CSGALNACT2: variants seen among roughly 807,000 people sequenced by gnomAD.
CSGALNACT2 encodes beta 4 GalNAcT-2.
CSGALNACT2 carries 35 observed loss-of-function variants against 55.3 expected under a neutral mutation model. That is an observed-to-expected ratio of 0.63 (90% CI 0.48 to 0.84). The LOEUF is 0.84. Ranked by LOEUF, CSGALNACT2 falls within the 40% of genes least tolerant of loss-of-function variation. The pLI is 0.00. For synonymous variants in CSGALNACT2, 196 were observed against 224.9 expected (o/e 0.87, Z 1.15); for missense variants, 544 against 657.5 (o/e 0.83, Z 1.89).
At chr10:43,162,319 G>A in intron 4 of CSGALNACT2, 1 of 770,090 alleles carries the variant, frequency 1.3e-6, no homozygotes, top group Non-Finnish European at 2.0e-6. Context: ...AAATCCCAGG[G>A]AAGGACATTT....
intron 1 of CSGALNACT2, among the ~76,000 whole-genome samples, chr10:43,150,758 T>C (rs570796744): frequency 6.6e-6 from 1 of 152,324 alleles, no homozygotes; most frequent in African/African-American, 2.4e-5. Flanking sequence ...TTCCATCAAA[T>C]TTGGGAAATT....
intron 1 of CSGALNACT2, among the ~76,000 whole-genome samples, chr10:43,149,787 G>T (rs1225351002): frequency 6.6e-6 from 1 of 152,042 alleles, no homozygotes; most frequent in Non-Finnish European, 1.5e-5. Context: ...TGTTTGCTAG[G>T]CTGGGTGTGG....
At position 43,158,885 on chromosome 10, in the gene CSGALNACT2, C is replaced by T; in HGVS notation, c.832C>T (p.Leu278Phe). The change falls in exon 3 of 8, where the codon CTT (leucine) becomes TTT (phenylalanine). Residue 278 changes from leucine (L) to phenylalanine (F), a missense_variant. Physicochemically the swap from Leu to Phe is conservative, Grantham distance 22. Coordinates refer to ENST00000374466, the MANE Select transcript of CSGALNACT2 (RefSeq NM_018590.5). The stretch of plus-strand genomic sequence containing the variant: ...ATCAATTATTAATATCATTGTGCCA[C>T]TTGCTGAAAGAACTGAAGCATTTGT... ...TRSIINIIVPLAERTEAFVQF... is the reference protein window; with the variant it reads ...TRSIINIIVPFAERTEAFVQF... The T allele has an allele frequency of 6.2e-7, 1 of 1,612,438 alleles. No individual in the cohort carries two copies. Among genetic ancestry groups the T allele is most frequent in the Non-Finnish European group, 8.5e-7 (1 of 1,178,790 alleles).
At position 43,184,465 on chromosome 10, in the gene CSGALNACT2, A is replaced by G. The variant is rs949961282; in HGVS notation, c.*923A>G. 1 of 152,146 alleles carries G rather than the reference A, an allele frequency of 6.6e-6. No individual in the cohort carries two copies. The highest frequency in any genetic ancestry group is 1.5e-5 in the Non-Finnish European group (1 of 68,028). 9.4% of individuals were successfully genotyped at this position (152,146 alleles called of 1,614,324 possible). On this transcript the variant is annotated 3_prime_UTR_variant, in exon 8 of 8. Coordinates refer to ENST00000374466, the MANE Select transcript of CSGALNACT2 (RefSeq NM_018590.5). Reference sequence around the variant, plus strand: ...ATTTGGCATGGATCCATATGTATTTACTATCCTTTTTCTAATATATTAATA... The same window carrying G: ...ATTTGGCATGGATCCATATGTATTTGCTATCCTTTTTCTAATATATTAATA...
At chr10:43,144,298 AC>A (rs1365225626) in intron 1 of CSGALNACT2, among the ~76,000 whole-genome samples, 1 of 152,218 alleles carries the variant, frequency 6.6e-6, no homozygotes, top group Non-Finnish European at 1.5e-5. Context: ...TGTTCATAGT[AC>A]CAAAAATTGT....
At chr10:43,175,841 TA>T (rs1355997617) in intron 6 of CSGALNACT2, 109 bp from the exon 7 acceptor site, 4 of 933,302 alleles carry the variant, frequency 4.3e-6, no homozygotes, top group Non-Finnish European at 6.7e-6. Flanking sequence ...ATCAGTCACA[TA>T]AATGACAGGA....
chr10:43,155,048 T>G lies in CSGALNACT2; in HGVS notation c.-102T>G. 1.0e-6 allele frequency: 1 copy of G among 990,460 alleles called. No homozygotes were observed. Among genetic ancestry groups the G allele is most frequent in the Non-Finnish European group, 1.5e-6 (1 of 669,764 alleles). The allele number at this position is 990,460 out of a possible 1,614,324, so 61.4% of individuals were successfully genotyped here. ...AAACTTAAAGCTACGGCAGAATTAT[T>G]TTATGGAAATTCTGATTTTGTTTTT... On this transcript the variant is annotated 5_prime_UTR_variant, in exon 2 of 8. In the 5' UTR this introduces an upstream ATG that the reference lacks. Coordinates refer to ENST00000374466, the MANE Select transcript of CSGALNACT2 (RefSeq NM_018590.5).
In CSGALNACT2 at chr10:43,183,496, A is replaced by G; in HGVS notation, c.1583A>G (p.His528Arg). 6.2e-7 allele frequency: 1 copy of G among 1,614,184 alleles called. No individual in the cohort carries two copies. Among genetic ancestry groups the G allele is most frequent in the Non-Finnish European group, 8.5e-7 (1 of 1,180,018 alleles). The part of the protein sequence containing the change: ...MLVFREEIET[H>R]LHKQAYRTNS... ...GTCTTCAGGGAGGAAATAGAGACGCATCTTCATAAACAGGCATACAGGACA... is the reference window on the plus strand; with the variant it reads ...GTCTTCAGGGAGGAAATAGAGACGCGTCTTCATAAACAGGCATACAGGACA... Residue 528 changes from histidine (H) to arginine (R), a missense_variant, in exon 8 of 8, where the codon CAT becomes CGT. Around this residue, in one of 2 missense-constraint regions of CSGALNACT2, gnomAD observed 170 missense variants for 256.2 expected, o/e 0.66. Coordinates refer to ENST00000374466, the MANE Select transcript of CSGALNACT2 (RefSeq NM_018590.5).
chr10:43,158,490 T>A (rs193194961), intron 2 of CSGALNACT2, among the ~76,000 whole-genome samples: 125 of 152,360 alleles, frequency 8.2e-4, no homozygotes, highest in Non-Finnish European at 1.4e-3. Flanking sequence ...TTGTAGTATA[T>A]TTTATAGATT....
At chr10:43,170,437 G>A (rs1422336547) in intron 6 of CSGALNACT2, among the ~76,000 whole-genome samples, 3 of 152,136 alleles carry the variant, frequency 2.0e-5, no homozygotes, top group African/African-American at 7.2e-5. Context: ...GGAATATGTC[G>A]AAGGGGCACA....
In CSGALNACT2 at chr10:43,146,426, G is replaced by T. The variant is rs533036541; in HGVS notation, c.-254+7859G>T. 5.9e-5 allele frequency among the ~76,000 whole-genome samples: 9 copies of T among 152,310 alleles called. No homozygotes were observed. In the South Asian group the frequency reaches 1.7e-3, roughly 28 times the overall value. On this transcript the variant is annotated intron_variant, in intron 1 of 7. Coordinates refer to ENST00000374466, the MANE Select transcript of CSGALNACT2 (RefSeq NM_018590.5). ...CTTTATTCTACCCCCGCTGGCAGCT[G>T]AGTAGATGGTGCCCAACCAGATTGA...
chr10:43,152,060 T>C (rs1030944984), intron 1 of CSGALNACT2, among the ~76,000 whole-genome samples: 1 of 152,226 alleles, frequency 6.6e-6, no homozygotes, highest in Non-Finnish European at 1.5e-5. Flanking sequence ...TTGTAAGGTT[T>C]CTTTCAATCC....
intron 1 of CSGALNACT2, among the ~76,000 whole-genome samples, chr10:43,149,350 G>A (rs530433196): frequency 1.3e-5 from 2 of 152,270 alleles, no homozygotes; most frequent in African/African-American, 4.8e-5. Flanking sequence ...GCCTTCCAAA[G>A]TGCTGGAATT....
In CSGALNACT2 at chr10:43,184,745, A is replaced by G. The variant is rs749483444; in HGVS notation, c.*1203A>G. The G allele has an allele frequency of 5.3e-5, 8 of 152,210 alleles. No homozygotes were observed. The highest frequency in any genetic ancestry group is 1.2e-4 in the Non-Finnish European group (8 of 68,040). 9.4% of individuals were successfully genotyped at this position (152,210 alleles called of 1,614,324 possible). A position where few individuals can be genotyped will look rare whatever the true frequency, so the allele number is the denominator to read the frequency against. On this transcript the variant is annotated 3_prime_UTR_variant, in exon 8 of 8. Coordinates refer to ENST00000374466, the MANE Select transcript of CSGALNACT2 (RefSeq NM_018590.5). Reference sequence around the variant, plus strand: ...AATTATATTCAGATAGGACTGCACTACATTATTTGTCACACATGGATCTGT... The same window carrying G: ...AATTATATTCAGATAGGACTGCACTGCATTATTTGTCACACATGGATCTGT...
intron 6 of CSGALNACT2, among the ~76,000 whole-genome samples, chr10:43,174,254 A>G (rs1839437812): frequency 6.6e-6 from 1 of 151,988 alleles, no homozygotes; most frequent in Non-Finnish European, 1.5e-5. Context: ...CATCAGCTCC[A>G]ATCTGAGCTG....
chr10:43,152,524 G>A (rs2133105936), intron 1 of CSGALNACT2, among the ~76,000 whole-genome samples: 1 of 152,212 alleles, frequency 6.6e-6, no homozygotes, highest in Non-Finnish European at 1.5e-5. Flanking sequence ...TCCCTTAAAG[G>A]GAAGAGGAAG....
chr10:43,182,326 C>T lies in CSGALNACT2; in HGVS notation c.1337-924C>T, dbSNP rs570662494. Among the ~76,000 whole-genome samples, 13 of 152,280 alleles carry T rather than the reference C, an allele frequency of 8.5e-5. No individual in the cohort carries two copies. In the South Asian group the frequency reaches 2.5e-3, roughly 29 times the overall value. On this transcript the variant is annotated intron_variant, in intron 7 of 7. Coordinates refer to ENST00000374466, the MANE Select transcript of CSGALNACT2 (RefSeq NM_018590.5). Reference sequence around the variant, plus strand: ...ACAATGGCACCTTTTCCAGAATTTTCTCCCTCACCTGGGGCCACTTCTCAA... The same window carrying T: ...ACAATGGCACCTTTTCCAGAATTTTTTCCCTCACCTGGGGCCACTTCTCAA...
At chr10:43,182,960 T>C (rs1017588328) in intron 7 of CSGALNACT2, among the ~76,000 whole-genome samples, 11 of 152,290 alleles carry the variant, frequency 7.2e-5, no homozygotes, top group Admixed American at 2.0e-4. Context: ...CTCCTTTATT[T>C]GACTTTTTGT....
rs1352025907 is a variant in CSGALNACT2, at chr10:43,162,353, A to G, written c.981-1513A>G. On this transcript the variant is annotated intron_variant, in intron 4 of 7. Transcript: ENST00000374466. ...TTTGCCCACTCTTGAGCCAATCACT[A>G]TGGCCAGGTTGGGTGGGGGTATTGG... 7 of 1,109,830 alleles carry G rather than the reference A, an allele frequency of 6.3e-6. No homozygotes were observed. In the East Asian group the frequency reaches 1.5e-4, roughly 23 times the overall value. The allele number at this position is 1,109,830 out of a possible 1,614,324, so 68.7% of individuals were successfully genotyped here.
Sources: allele counts gnomAD v4.1 joint callset (sites outside exome capture counted in the v4.1 genomes callset), GRCh38; gene constraint gnomAD v4.1.1; regional missense constraint gnomAD v4.1.1; transcripts MANE v1.5; gene names NCBI Gene and HGNC (gene_info 2026-07-23, HGNC 2026-07-21).